The following PTGES variants were observed in gnomAD, a reference collection of about 807,000 sequenced individuals.
PTGES encodes the protein MGST1-like 1.
PTGES carries 3 observed loss-of-function variants against 11.8 expected under a neutral mutation model. That is an observed-to-expected ratio of 0.25 (90% CI 0.12 to 0.66). The LOEUF (loss-of-function observed/expected upper bound fraction) is 0.66. Among genes scored for constraint, PTGES ranks in the 30% least tolerant of loss-of-function variants. The pLI, the probability that PTGES is intolerant of heterozygous loss-of-function variation, is 0.82. For missense variants in PTGES, 180 were observed against 213.0 expected, an observed-to-expected ratio of 0.85 and a Z score of 0.96; for synonymous variants, 94 against 90.4, an observed-to-expected ratio of 1.04 and a Z score of -0.22.
In PTGES at chr9:129,739,793, C is replaced by G; in HGVS notation, c.277G>C (p.Gly93Arg). 6.3e-7 allele frequency: 1 copy of G among 1,575,136 alleles called. No homozygotes were observed. Among genetic ancestry groups the G allele is most frequent in the Non-Finnish European group, 8.6e-7 (1 of 1,159,964 alleles). ...ATCCAGGCGACAAAAGGGTTAGGAC[C>G]CAGAAAGGAGTAGACGAAGCCCAGG... ...LFLGFVYSFL[G>R]PNPFVAWMHF... Residue 93 changes from glycine to arginine, a missense_variant, in exon 3 of 3, where the codon GGT (glycine) becomes CGT (arginine). Physicochemically the swap from Gly to Arg is moderately radical, Grantham distance 125. Transcript: ENST00000340607. This position sits in a 1 kb window ranked among gnomAD's most constrained non-coding sequence, Gnocchi z 5.7.
At chr9:129,746,082 C>T (rs986806986) in intron 2 of PTGES, among the ~76,000 whole-genome samples, 40 of 151,998 alleles carry the variant, frequency 2.6e-4, no homozygotes, top group African/African-American at 9.2e-4. Flanking sequence ...CGGCGCCACC[C>T]GGGTCTATCG....
intron 1 of PTGES, 76 bp from the exon 2 acceptor site, chr9:129,748,813 C>A: frequency 7.9e-7 from 1 of 1,271,300 alleles, no homozygotes; most frequent in South Asian, 1.4e-5. Flanking sequence ...TTGTCCATGA[C>A]CAGAGTTCAC....
rs1404826176 is a variant in PTGES at position 129,745,117 on chromosome 9, C to T, written c.209+3538G>A. On this transcript the variant is annotated intron_variant, in intron 2 of 2. Transcript: ENST00000340607. This position sits in a 1 kb window ranked among gnomAD's most constrained non-coding sequence, Gnocchi z 4.2. Reference sequence around the variant, plus strand: ...ACAAATCAGTTCACTCAGTTTAAGTCTATACACTCCAAACAGAAATGCTCC... The same window carrying T: ...ACAAATCAGTTCACTCAGTTTAAGTTTATACACTCCAAACAGAAATGCTCC... Among the ~76,000 whole-genome samples, 1 of 152,090 alleles carries T rather than the reference C, an allele frequency of 6.6e-6. No homozygotes were observed. Among genetic ancestry groups the T allele is most frequent in the African/African-American group, 2.4e-5 (1 of 41,422 alleles).
At chr9:129,742,159 A>G (rs1271767918) in intron 2 of PTGES, among the ~76,000 whole-genome samples, 1 of 149,006 alleles carries the variant, frequency 6.7e-6, no homozygotes, top group Non-Finnish European at 1.5e-5. Flanking sequence ...CTCTACTAAA[A>G]GTACAAAAAA....
chr9:129,739,781 A>G lies in PTGES; in HGVS notation c.289T>C (p.Phe97Leu). The G allele has an allele frequency of 6.3e-7, 1 of 1,578,010 alleles. No homozygotes were observed. The change falls in exon 3 of 3, where the codon TTT (phenylalanine) becomes CTT (leucine). Residue 97 changes from phenylalanine (F) to leucine (L), a missense_variant. By Grantham distance (22) the Phe-to-Leu change is conservative. Coordinates refer to ENST00000340607, the MANE Select transcript of PTGES (RefSeq NM_004878.5). This position sits in a 1 kb window ranked among gnomAD's most constrained non-coding sequence, Gnocchi z 5.7. ...ACCAGGAAGTGCATCCAGGCGACAA[A>G]AGGGTTAGGACCCAGAAAGGAGTAG... ...FVYSFLGPNPFVAWMHFLVFL... is the reference protein window; with the variant it reads ...FVYSFLGPNPLVAWMHFLVFL...
chr9:129,748,808 C>A, intron 1 of PTGES, 71 bp from the exon 2 acceptor site: 1 of 1,340,126 alleles, frequency 7.5e-7, no homozygotes, highest in South Asian at 1.3e-5. Context: ...ATGTTTTGTC[C>A]ATGACCAGAG....
chr9:129,752,785 T>C (rs959435462), intron 1 of PTGES, 102 bp downstream of exon 1: 4 of 1,577,114 alleles, frequency 2.5e-6, no homozygotes, highest in East Asian at 2.2e-5. Context: ...CTCCCAGCCC[T>C]GCACACACCT....
At chr9:129,750,422 C>T (rs566170635) in intron 1 of PTGES, among the ~76,000 whole-genome samples, 2 of 152,310 alleles carry the variant, frequency 1.3e-5, no homozygotes, top group South Asian at 4.1e-4. Flanking sequence ...AGTGAATCAC[C>T]AACACCGAAG....
chr9:129,740,132 C>CAT (rs750082894), intron 2 of PTGES, among the ~76,000 whole-genome samples: 3 of 152,046 alleles, frequency 2.0e-5, no homozygotes, highest in Non-Finnish European at 4.4e-5. Flanking sequence ...ATGCTCTTAC[C>CAT]ATACCTCTAT....
Position 129,739,470 on chromosome 9 carries a change from C to G in PTGES, c.*141G>C. The G allele has an allele frequency of 8.2e-7, 1 of 1,219,348 alleles. No homozygotes were observed. Among genetic ancestry groups the G allele is most frequent in the South Asian group, 1.6e-5 (1 of 63,808 alleles). The allele number at this position is 1,219,348 out of a possible 1,614,324, so 75.5% of individuals were successfully genotyped here. A position where few individuals can be genotyped will look rare whatever the true frequency, so the allele number is the denominator to read the frequency against. ...GGCACACACACAGGCCCACTGTGCC[C>G]AGAGACCCACACGCGCAGCAGGCTG... is the stretch of plus-strand genomic sequence containing the variant. On this transcript the variant is annotated 3_prime_UTR_variant, in exon 3 of 3. Coordinates refer to ENST00000340607, the MANE Select transcript of PTGES (RefSeq NM_004878.5). The surrounding 1 kb of genome is among the most constrained non-coding windows in gnomAD (Gnocchi z 5.7).
chr9:129,749,625 G>C (rs1463459322), intron 1 of PTGES: 1 of 152,448 alleles, frequency 6.6e-6, no homozygotes, highest in Non-Finnish European at 1.5e-5. Flanking sequence ...ACTCCAGCCT[G>C]GGCAACAGAG....
intron 2 of PTGES, among the ~76,000 whole-genome samples, chr9:129,743,501 C>A (rs1833020444): frequency 6.6e-6 from 1 of 152,238 alleles, no homozygotes; most frequent in African/African-American, 2.4e-5. Context: ...TGCCTTCACC[C>A]TCCACAGACT....
intron 1 of PTGES, among the ~76,000 whole-genome samples, chr9:129,748,959 G>C (rs968464516): frequency 1.3e-5 from 2 of 152,186 alleles, no homozygotes; most frequent in African/African-American, 4.8e-5. Context: ...CAGTCCGATG[G>C]GGGAGTTGCC....
At chr9:129,743,472 C>A (rs916308871) in intron 2 of PTGES, among the ~76,000 whole-genome samples, 2 of 152,200 alleles carry the variant, frequency 1.3e-5, no homozygotes, top group African/African-American at 2.4e-5. Flanking sequence ...ACTTGTATTG[C>A]CTCCTGCAGC....
chr9:129,742,765 G>A (rs574025650), intron 2 of PTGES, among the ~76,000 whole-genome samples: 46 of 151,980 alleles, frequency 3.0e-4, no homozygotes, highest in Admixed American at 2.3e-3. Flanking sequence ...CCAGCTACTC[G>A]GGAGGCTGAG....
rs192097092 is a variant in PTGES at position 129,748,874 on chromosome 9, A to G, written c.127-137T>C. On this transcript the variant is annotated intron_variant, in intron 1 of 2. Transcript: ENST00000340607. Reference sequence around the variant, plus strand: ...ACACACACCCATCCAACCATCATCCACGATTCCTACCCTGTGCCAGGGGCT... The same window carrying G: ...ACACACACCCATCCAACCATCATCCGCGATTCCTACCCTGTGCCAGGGGCT... 2.4e-4 allele frequency: 167 copies of G among 687,056 alleles called. 1 individual carries two copies. The East Asian group carries it at 5.7e-3, about 23-fold the overall frequency. The allele number at this position is 687,056 out of a possible 1,614,324, so 42.6% of individuals were successfully genotyped here. A position where few individuals can be genotyped will look rare whatever the true frequency, so the allele number is the denominator to read the frequency against.
intron 2 of PTGES, among the ~76,000 whole-genome samples, chr9:129,740,127 C>T (rs563904493): frequency 6.6e-6 from 1 of 152,112 alleles, no homozygotes; most frequent in Non-Finnish European, 1.5e-5. Flanking sequence ...CCAGGATGCT[C>T]TTACCATACC....
chr9:129,750,023 C>A (rs1039752032), intron 1 of PTGES, among the ~76,000 whole-genome samples: 1 of 152,170 alleles, frequency 6.6e-6, no homozygotes, highest in Non-Finnish European at 1.5e-5. Context: ...TGCTGTGTGA[C>A]GAGTGAGAGG....
rs1322043244 is a variant in PTGES, at chr9:129,739,905, G to T, written c.210-45C>A. 1 of 1,534,524 alleles carries T rather than the reference G, an allele frequency of 6.5e-7. No homozygotes were observed. Among genetic ancestry groups the T allele is most frequent in the Non-Finnish European group, 8.8e-7 (1 of 1,137,330 alleles). On this transcript the variant is annotated intron_variant, in intron 2 of 2. Coordinates refer to ENST00000340607, the MANE Select transcript of PTGES (RefSeq NM_004878.5). The surrounding 1 kb of genome is among the most constrained non-coding windows in gnomAD (Gnocchi z 5.7). The stretch of plus-strand genomic sequence containing the variant: ...GCGGTCAGCCAGGTATTAGCTTTGG[G>T]GCCATAGGCCCTTTTGAGAGTGTCA...
Sources: gnomAD v4.1 joint callset for allele counts (sites outside exome capture counted in the v4.1 genomes callset) on GRCh38, gnomAD v4.1.1 for gene constraint, Gnocchi (gnomAD v3.1) non-coding constraint, MANE v1.5 for transcripts, NCBI Gene and HGNC (gene_info 2026-07-23, HGNC 2026-07-21) for gene names.